YTHDC2: variants seen among roughly 807,000 people sequenced by gnomAD.
The protein encoded by YTHDC2 is YTH N6-methyladenosine RNA binding protein C2, also known as 3'-5' RNA helicase YTHDC2.
Under a neutral mutation model 174.9 loss-of-function variants are expected in YTHDC2, and 45 were observed. The ratio of observed to expected loss-of-function variants is 0.26; its 90% confidence interval spans 0.20 to 0.33. YTHDC2 has a LOEUF of 0.33. Ranked by LOEUF, YTHDC2 falls within the 10% of genes least tolerant of loss-of-function variation. The probability of loss-of-function intolerance (pLI) is 1.00; values close to 1 mark genes in which losing one functional copy is unlikely to be tolerated. For missense variants in YTHDC2, 1,650 were observed against 1,723.7 expected, an observed-to-expected ratio of 0.96 and a Z score of 0.76; for synonymous variants, 657 against 574.5, an observed-to-expected ratio of 1.14 and a Z score of -2.05.
At chr5:113,515,225 A>T (rs1305311275) in intron 1 of YTHDC2, 47 bp from the exon 2 acceptor site, 1 of 1,458,160 alleles carries the variant, frequency 6.9e-7, no homozygotes, top group African/African-American at 1.4e-5. Context: ...ACTTGAGAGA[A>T]AATTGCCTAT....
intron 18 of YTHDC2, among the ~76,000 whole-genome samples, chr5:113,561,964 GTGTGT>G (rs1777016618): frequency 3.3e-5 from 3 of 90,084 alleles, no homozygotes; most frequent in African/African-American, 1.4e-4. Flanking sequence ...GTGGGTGTGT[GTGTGT>G]GTGTGTGTGT....
Position 113,581,554 on chromosome 5 carries a change from A to G in YTHDC2, c.3492A>G (p.Glu1164=), listed in dbSNP as rs1778403571. The change falls in exon 25 of 30, where the codon GAA becomes GAG. Residue 1164 remains glutamate (E), a synonymous_variant. Transcript: ENST00000161863. ...TTATAGCTGTTTTAAGCACTGAAGA[A>G]CAGTCTGCAGGTTTACAACAACCAT... The part of the protein sequence containing the change: ...RAIIAVLSTE[E]QSAGLQQPSG... The G allele has an allele frequency of 2.5e-6, 4 of 1,613,970 alleles. No individual in the cohort carries two copies. In the South Asian group the frequency reaches 4.4e-5, roughly 18 times the overall value.
At chr5:113,544,908 A>G (rs1176705183) in intron 10 of YTHDC2, among the ~76,000 whole-genome samples, 2 of 151,770 alleles carry the variant, frequency 1.3e-5, no homozygotes, top group East Asian at 1.9e-4. Context: ...AGCCAACCCC[A>G]TTGTCATATT....
At chr5:113,573,201 G>A (rs868560562) in intron 23 of YTHDC2, among the ~76,000 whole-genome samples, 1 of 152,148 alleles carries the variant, frequency 6.6e-6, no homozygotes, top group African/African-American at 2.4e-5. Context: ...TGTCTGAAAA[G>A]GATCTTATTT....
chr5:113,535,776 T>C lies in YTHDC2; in HGVS notation c.1080T>C (p.Phe360=). The change falls in exon 7 of 30, where the codon TTT becomes TTC. Residue 360 remains phenylalanine (F), a synonymous_variant. Transcript: ENST00000161863. ...ATGTAAATCTCTTTATAAGATATTT[T>C]GGAAGTTGTCCAGTGATATATAGTA... ...ALDVNLFIRY[F]GSCPVIYIQG... 1 of 1,610,754 alleles carries C rather than the reference T, an allele frequency of 6.2e-7. No homozygotes were observed. Among genetic ancestry groups the C allele is most frequent in the Non-Finnish European group, 8.5e-7 (1 of 1,178,770 alleles).
At position 113,514,092 on chromosome 5, in the gene YTHDC2, C is replaced by T. The variant is rs1483842552; in HGVS notation, c.187+10C>T. On this transcript the variant is annotated intron_variant, in intron 1 of 29. Coordinates refer to ENST00000161863, the MANE Select transcript of YTHDC2 (RefSeq NM_022828.5). The stretch of plus-strand genomic sequence containing the variant: ...TACGGGGACCAGAGAGGTGAGGTTC[C>T]GGACAGGGACCATGCTGGCAGTCAG... 2.5e-6 allele frequency: 4 copies of T among 1,608,910 alleles called. No individual in the cohort carries two copies. The highest frequency in any genetic ancestry group is 3.4e-5 in the Admixed American group (2 of 58,992).
At chr5:113,538,800 T>G (rs1026129539) in intron 7 of YTHDC2, among the ~76,000 whole-genome samples, 5 of 152,168 alleles carry the variant, frequency 3.3e-5, no homozygotes, top group African/African-American at 1.2e-4. Context: ...TGTTTCCTCT[T>G]ACAATTTCTA....
At chr5:113,590,955 A>G (rs1778971599) in intron 26 of YTHDC2, 86 bp from the exon 27 acceptor site, 2 of 1,117,070 alleles carry the variant, frequency 1.8e-6, no homozygotes, top group Non-Finnish European at 1.3e-6. Context: ...ATTTTGGCTT[A>G]TATGTTTATG....
Position 113,535,667 on chromosome 5 carries a change from T to A in YTHDC2, c.971T>A (p.Phe324Tyr), listed in dbSNP as rs1401881476. The A allele has an allele frequency of 6.2e-7, 1 of 1,613,352 alleles. No homozygotes were observed. ...IVDEVHERDR[F>Y]SDFLLTKLRD... ...GATGAAGTGCATGAAAGGGATCGATTTAGTGATTTTTTACTTACAAAGTTA... is the reference window on the plus strand; with the variant it reads ...GATGAAGTGCATGAAAGGGATCGATATAGTGATTTTTTACTTACAAAGTTA... The change falls in exon 7 of 30, where the codon TTT (phenylalanine) becomes TAT (tyrosine). Residue 324 changes from phenylalanine (F) to tyrosine (Y), a missense_variant. Phe to Tyr is a conservative substitution (Grantham distance 22). This residue lies in a region of YTHDC2 where 411 missense variants were observed against 380.6 expected (regional missense o/e 1.08). Coordinates refer to ENST00000161863, the MANE Select transcript of YTHDC2 (RefSeq NM_022828.5).
chr5:113,514,753 T>TA (rs929251706), intron 1 of YTHDC2, among the ~76,000 whole-genome samples: 3 of 152,086 alleles, frequency 2.0e-5, no homozygotes, highest in African/African-American at 7.2e-5. Flanking sequence ...AAATTCACAT[T>TA]AAAAAAAGAG....
chr5:113,581,005 A>G (rs1778370794), intron 24 of YTHDC2, among the ~76,000 whole-genome samples: 1 of 152,158 alleles, frequency 6.6e-6, no homozygotes, highest in South Asian at 2.1e-4. Context: ...GCAATCATTT[A>G]GGAACTGGTG....
chr5:113,527,977 T>C (rs1774390040), intron 4 of YTHDC2, among the ~76,000 whole-genome samples: 1 of 152,116 alleles, frequency 6.6e-6, no homozygotes, highest in African/African-American at 2.4e-5. Flanking sequence ...CTTTTATGAT[T>C]AAGTGAAATT....
intron 23 of YTHDC2, among the ~76,000 whole-genome samples, chr5:113,569,625 G>C (rs1050141613): frequency 4.6e-5 from 7 of 152,048 alleles, no homozygotes; most frequent in African/African-American, 1.7e-4. Flanking sequence ...GCTTGTTTTT[G>C]TCAGGTTTGT....
intron 23 of YTHDC2, among the ~76,000 whole-genome samples, chr5:113,578,897 G>T (rs761694829): frequency 6.6e-6 from 1 of 151,966 alleles, no homozygotes; most frequent in South Asian, 2.1e-4. Flanking sequence ...TTTCTTTGAA[G>T]ATTTCAAATT....
chr5:113,523,119 A>G (rs922906456), intron 2 of YTHDC2, among the ~76,000 whole-genome samples: 1 of 152,146 alleles, frequency 6.6e-6, no homozygotes, highest in Non-Finnish European at 1.5e-5. Flanking sequence ...AGTGCCTGGC[A>G]TAAAGTCAGT....
intron 19 of YTHDC2, 91 bp from the exon 20 acceptor site, chr5:113,563,768 T>C (rs894181838): frequency 7.0e-7 from 1 of 1,424,426 alleles, no homozygotes; most frequent in Non-Finnish European, 9.6e-7. Flanking sequence ...AGAAAATCTA[T>C]ATTCTTATTT....
At chr5:113,585,269 T>TA (rs1201697166) in intron 26 of YTHDC2, among the ~76,000 whole-genome samples, 1 of 152,094 alleles carries the variant, frequency 6.6e-6, no homozygotes, top group South Asian at 2.1e-4. Context: ...AAACTATCTT[T>TA]AAAAAAACTT....
intron 27 of YTHDC2, 62 bp downstream of exon 27, chr5:113,591,306 T>C (rs1316230479): frequency 3.4e-5 from 52 of 1,550,704 alleles, no homozygotes; most frequent in Non-Finnish European, 4.2e-5. Context: ...CATAGAGATT[T>C]TTAGAAAAAC....
At chr5:113,583,405 T>A (rs1580645396) in intron 25 of YTHDC2, 1 of 152,298 alleles carries the variant, frequency 6.6e-6, no homozygotes, top group South Asian at 2.1e-4. Flanking sequence ...TACTGTGAGA[T>A]GTCCTACATT....
Sources: gnomAD v4.1 joint callset for allele counts (sites outside exome capture counted in the v4.1 genomes callset) on GRCh38, gnomAD v4.1.1 for gene constraint, gnomAD v4.1.1 regional missense constraint, MANE v1.5 for transcripts, NCBI Gene and HGNC (gene_info 2026-07-23, HGNC 2026-07-21) for gene names.